The following NUDT11 variants were observed in gnomAD, a reference collection of about 807,000 sequenced individuals.
The protein encoded by NUDT11 is diphosphoinositol polyphosphate phosphohydrolase 3-beta.
A neutral mutation model predicts 10.0 loss-of-function variants in NUDT11; 1 was observed. The observed-to-expected ratio is 0.10, with a 90% confidence interval of 0.04 to 0.47. The LOEUF is 0.47. Among genes scored for constraint, NUDT11 ranks in the 20% least tolerant of loss-of-function variants. The pLI is 0.96. For synonymous variants in NUDT11, 63 were observed against 65.9 expected, an observed-to-expected ratio of 0.96 and a Z score of 0.21; for missense variants, 47 against 140.4, an observed-to-expected ratio of 0.33 and a Z score of 3.36.
rs2146658236 is a variant in NUDT11, at chrX:51,490,188, T to A, written c.*1561A>T. ...CAGATGATTTTGAAGCGAATACCAG[T>A]AACATATCATTTCACCTGTACATTT... On this transcript the variant is annotated 3_prime_UTR_variant, in exon 2 of 2. Transcript: ENST00000375992. 1 of 111,834 alleles carries A rather than the reference T, an allele frequency of 8.9e-6. No individual in the cohort carries two copies. The highest frequency in any genetic ancestry group is 3.8e-4 in the South Asian group (1 of 2,647). The allele number at this position is 111,834 out of a possible 1,213,427, so 9.2% of individuals were successfully genotyped here.
At chrX:51,492,332 AC>A (rs1392484169) in intron 1 of NUDT11, among the ~76,000 whole-genome samples, 3 of 110,161 alleles carry the variant, frequency 2.7e-5, no homozygotes, top group African/African-American at 9.9e-5. Flanking sequence ...CTGACTTCAA[AC>A]CCCCAATGTA....
chrX:51,492,869 C>G (rs926409345), intron 1 of NUDT11, among the ~76,000 whole-genome samples: 21 of 112,459 alleles, frequency 1.9e-4, no homozygotes, highest in African/African-American at 6.5e-4. Flanking sequence ...GTGGCTCCCC[C>G]ACAAGGGAAT....
chrX:51,491,815 A>AC (rs1925601017), intron 1 of NUDT11, 66 bp from the exon 2 acceptor site: 1 of 569,729 alleles, frequency 1.8e-6, no homozygotes, highest in East Asian at 3.2e-5. Flanking sequence ...TGACAAATGT[A>AC]CCAAGAGCTT....
At chrX:51,493,692 CTTAAT>C (rs2146659853) in intron 1 of NUDT11, among the ~76,000 whole-genome samples, 1 of 110,273 alleles carries the variant, frequency 9.1e-6, no homozygotes, top group Admixed American at 9.7e-5. Flanking sequence ...ACAAAAACTA[CTTAAT>C]TTAACAGTAC....
At chrX:51,493,993 C>T (rs1255873857) in intron 1 of NUDT11, among the ~76,000 whole-genome samples, 4 of 111,461 alleles carry the variant, frequency 3.6e-5, no homozygotes, top group African/African-American at 1.3e-4. Flanking sequence ...ATCTAGTATA[C>T]CTCCTAGGTC....
Position 51,490,260 on chromosome X carries a change from C to A in NUDT11, c.*1489G>T, listed in dbSNP as rs782077750. On this transcript the variant is annotated 3_prime_UTR_variant, in exon 2 of 2. Transcript: ENST00000375992. The stretch of plus-strand genomic sequence containing the variant: ...ATAATCATTTTTTAAAACAACATAA[C>A]CACAGTACCATATCACATCTTAAAA... The A allele has an allele frequency of 1.8e-5, 2 of 111,376 alleles. No individual in the cohort carries two copies. Among genetic ancestry groups the A allele is most frequent in the Non-Finnish European group, 3.8e-5 (2 of 53,142 alleles). The allele number at this position is 111,376 out of a possible 1,213,427, so 9.2% of individuals were successfully genotyped here. A position where few individuals can be genotyped will look rare whatever the true frequency, so the allele number is the denominator to read the frequency against.
At chrX:51,495,371 C>G (rs1394069626) in intron 1 of NUDT11, among the ~76,000 whole-genome samples, 1 of 111,462 alleles carries the variant, frequency 9.0e-6, no homozygotes, top group Non-Finnish European at 1.9e-5. Flanking sequence ...TAAACCAACT[C>G]CCACCACAGA....
rs1157742829 is a variant in NUDT11, at chrX:51,491,170, A to C, written c.*579T>G. 3 of 112,420 alleles carry C rather than the reference A, an allele frequency of 2.7e-5. No homozygotes were observed. Among genetic ancestry groups the C allele is most frequent in the African/African-American group, 9.7e-5 (3 of 30,802 alleles). The allele number at this position is 112,420 out of a possible 1,213,427, so 9.3% of individuals were successfully genotyped here. A position where few individuals can be genotyped will look rare whatever the true frequency, so the allele number is the denominator to read the frequency against. Reference sequence around the variant, plus strand: ...ACAAAACATTACCCTAGGTGATGGCATAATCTTAAAACTGTGCAGCTACTG... The same window carrying C: ...ACAAAACATTACCCTAGGTGATGGCCTAATCTTAAAACTGTGCAGCTACTG... On this transcript the variant is annotated 3_prime_UTR_variant, in exon 2 of 2. Transcript: ENST00000375992.
chrX:51,493,339 G>A (rs1312548335), intron 1 of NUDT11, among the ~76,000 whole-genome samples: 1 of 111,387 alleles, frequency 9.0e-6, no homozygotes, highest in Non-Finnish European at 1.9e-5. Context: ...GTAAAATTTA[G>A]GTGTACATTT....
Position 51,496,563 on chromosome X carries a change from A to G in NUDT11, c.-119T>C. The G allele has an allele frequency of 9.2e-7, 1 of 1,081,252 alleles. No individual in the cohort carries two copies. The highest frequency in any genetic ancestry group is 1.2e-6 in the Non-Finnish European group (1 of 821,600). 89.1% of individuals were successfully genotyped at this position (1,081,252 alleles called of 1,213,427 possible). ...GCTGGGAAGAGAAAGGGCCGAGGCG[A>G]GGGGCGGGGAAAGAGAGGCGCCTCC... On this transcript the variant is annotated 5_prime_UTR_variant, in exon 1 of 2. Coordinates refer to ENST00000375992, the MANE Select transcript of NUDT11 (RefSeq NM_018159.4).
intron 1 of NUDT11, among the ~76,000 whole-genome samples, chrX:51,494,484 T>C (rs1010786282): frequency 1.4e-4 from 16 of 112,042 alleles, no homozygotes; most frequent in Non-Finnish European, 2.4e-4. Flanking sequence ...GCACCATATT[T>C]CTTTAGAAAG....
intron 1 of NUDT11, 63 bp downstream of exon 1, chrX:51,495,888 G>A: frequency 8.4e-7 from 1 of 1,183,612 alleles, no homozygotes; most frequent in African/African-American, 1.7e-5. Context: ...AGGTGCTCCA[G>A]GCGGGACGCA....
At position 51,493,747 on chromosome X, in the gene NUDT11, A is replaced by G. The variant is rs782579582; in HGVS notation, c.*-1998T>C. Among the ~76,000 whole-genome samples, 41 of 105,367 alleles carry G rather than the reference A, an allele frequency of 3.9e-4. No homozygotes were observed. In the East Asian group the frequency reaches 6.0e-3, roughly 15 times the overall value. The allele number at this position is 105,367 out of a possible 115,157, so 91.5% of individuals were successfully genotyped here. ...CACTACATATTCTAAGTGTTTCTGG[A>G]AAAAAAAAAAGAAAAGGAAAAACCA... On this transcript the variant is annotated intron_variant, in intron 1 of 1. Transcript: ENST00000375992.
rs1356543964 is a variant in NUDT11 at position 51,490,281 on chromosome X, TA to T, written c.*1467del. The T allele has an allele frequency of 2.7e-5, 3 of 111,874 alleles. No individual in the cohort carries two copies. The highest frequency in any genetic ancestry group is 5.6e-5 in the Non-Finnish European group (3 of 53,205). The allele number at this position is 111,874 out of a possible 1,213,427, so 9.2% of individuals were successfully genotyped here. A position where few individuals can be genotyped will look rare whatever the true frequency, so the allele number is the denominator to read the frequency against. Reference sequence around the variant, plus strand: ...ATAACCACAGTACCATATCACATCTTAAAAAACAATAAATCAAGAAGTTATA... The same window carrying T: ...ATAACCACAGTACCATATCACATCTTAAAAACAATAAATCAAGAAGTTATA... On this transcript the variant is annotated 3_prime_UTR_variant, in exon 2 of 2. Transcript: ENST00000375992.
At chrX:51,494,254 A>G (rs1246989883) in intron 1 of NUDT11, among the ~76,000 whole-genome samples, 3 of 112,285 alleles carry the variant, frequency 2.7e-5, no homozygotes, top group African/African-American at 9.7e-5. Flanking sequence ...TATATATTCA[A>G]CATGTATCAC....
In NUDT11 at chrX:51,491,598, C is replaced by T. The variant is rs41306880; in HGVS notation, c.*151G>A. On this transcript the variant is annotated 3_prime_UTR_variant, in exon 2 of 2. Coordinates refer to ENST00000375992, the MANE Select transcript of NUDT11 (RefSeq NM_018159.4). ...CCAGAGCAAGAGTCAGTGGTATAGACAGGGAAGGAGTGTCCCAAGATGCAG... is the reference window on the plus strand; with the variant it reads ...CCAGAGCAAGAGTCAGTGGTATAGATAGGGAAGGAGTGTCCCAAGATGCAG... 9.0e-3 allele frequency: 4,495 copies of T among 496,725 alleles called. 16 individuals carry two copies. The highest frequency in any genetic ancestry group is 0.015 in the Middle Eastern group (41 of 2,653). 40.9% of individuals were successfully genotyped at this position (496,725 alleles called of 1,213,427 possible).
In NUDT11 at chrX:51,492,815, C is replaced by T. The variant is rs1474036669; in HGVS notation, c.*-1066G>A. Among the ~76,000 whole-genome samples the T allele has an allele frequency of 4.5e-5, 5 of 112,248 alleles. No homozygotes were observed. The Admixed American group carries it at 4.7e-4, about 11-fold the overall frequency. Reference sequence around the variant, plus strand: ...ATTAATAGCTATCTTATCAAGAGACCACTACCAGGAAAATATTGTTTAAAG... The same window carrying T: ...ATTAATAGCTATCTTATCAAGAGACTACTACCAGGAAAATATTGTTTAAAG... On this transcript the variant is annotated intron_variant, in intron 1 of 1. Transcript: ENST00000375992.
Position 51,490,247 on chromosome X carries a change from T to G in NUDT11, c.*1502A>C, listed in dbSNP as rs1018876647. 3 of 111,522 alleles carry G rather than the reference T, an allele frequency of 2.7e-5. No homozygotes were observed. The East Asian group carries it at 8.5e-4, about 32-fold the overall frequency. 9.2% of individuals were successfully genotyped at this position (111,522 alleles called of 1,213,427 possible). A position where few individuals can be genotyped will look rare whatever the true frequency, so the allele number is the denominator to read the frequency against. On this transcript the variant is annotated 3_prime_UTR_variant, in exon 2 of 2. Coordinates refer to ENST00000375992, the MANE Select transcript of NUDT11 (RefSeq NM_018159.4). ...ACTTCTCTAAAAGATAATCATTTTT[T>G]AAAACAACATAACCACAGTACCATA...
rs1470404416 is a variant in NUDT11 at position 51,491,184 on chromosome X, G to A, written c.*565C>T. On this transcript the variant is annotated 3_prime_UTR_variant, in exon 2 of 2. Coordinates refer to ENST00000375992, the MANE Select transcript of NUDT11 (RefSeq NM_018159.4). The stretch of plus-strand genomic sequence containing the variant: ...TAGGTGATGGCATAATCTTAAAACT[G>A]TGCAGCTACTGTGTGGTATGACATA... The A allele has an allele frequency of 8.9e-6, 1 of 112,304 alleles. No homozygotes were observed. Among genetic ancestry groups the A allele is most frequent in the Non-Finnish European group, 1.9e-5 (1 of 53,356 alleles). The allele number at this position is 112,304 out of a possible 1,213,427, so 9.3% of individuals were successfully genotyped here. A position where few individuals can be genotyped will look rare whatever the true frequency, so the allele number is the denominator to read the frequency against.
Sources: gnomAD v4.1 joint callset for allele counts (sites outside exome capture counted in the v4.1 genomes callset) on GRCh38, gnomAD v4.1.1 for gene constraint, MANE v1.5 for transcripts, NCBI Gene and HGNC (gene_info 2026-07-23, HGNC 2026-07-21) for gene names.